Variants in CHERP observed in about 807,000 individuals in gnomAD.
The protein encoded by CHERP is ERPROT 213-21.
CHERP carries 8 observed loss-of-function variants against 113.8 expected under a neutral mutation model. That is an observed-to-expected ratio of 0.07 (90% CI 0.04 to 0.13). The LOEUF is 0.13. Among genes scored for constraint, CHERP ranks in the 10% least tolerant of loss-of-function variants. CHERP has a pLI of 1.00. For missense variants in CHERP, 884 were observed against 1,298.2 expected (o/e 0.68, Z 4.90); for synonymous variants, 559 against 524.5 (o/e 1.07, Z -0.90).
In CHERP at chr19:16,525,599, T is replaced by C. The variant is rs1275567500; in HGVS notation, c.1384A>G (p.Met462Val). The C allele has an allele frequency of 1.3e-6, 2 of 1,536,968 alleles. No individual in the cohort carries two copies. Among genetic ancestry groups the C allele is most frequent in the Non-Finnish European group, 1.7e-6 (2 of 1,144,510 alleles). Residue 462 changes from methionine (M) to valine (V), a missense_variant, in exon 10 of 17, where the codon ATG becomes GTG. Physicochemically the swap from Met to Val is conservative, Grantham distance 21. Around this residue, in one of 8 missense-constraint regions of CHERP, gnomAD observed 464 missense variants for 590.1 expected, o/e 0.79. Coordinates refer to ENST00000546361, the MANE Select transcript of CHERP (RefSeq NM_006387.6). This position sits in a 1 kb window ranked among gnomAD's most constrained non-coding sequence, Gnocchi z 6.5. Reference protein sequence around the residue: ...CPPWNNSHEGMWGEQRGDPGW... With the variant: ...CPPWNNSHEGVWGEQRGDPGW... Reference sequence around the variant, plus strand: ...GGGTCACCGCGCTGCTCGCCCCACATGCCCTCATGGCTGTTGTTCCAGGGG... The same window carrying C: ...GGGTCACCGCGCTGCTCGCCCCACACGCCCTCATGGCTGTTGTTCCAGGGG...
At position 16,530,012 on chromosome 19, in the gene CHERP, G is replaced by A. The variant is rs2085688007; in HGVS notation, c.877-112C>T. ...AGAGCCTGGGGGACCTGGGGCAGGT[G>A]GACAGGGAACCGTCACGTGAAACAG... On this transcript the variant is annotated intron_variant, in intron 7 of 16. Transcript: ENST00000546361. This position sits in a 1 kb window ranked among gnomAD's most constrained non-coding sequence, Gnocchi z 4.1. 7.2e-7 allele frequency: 1 copy of A among 1,395,026 alleles called. No homozygotes were observed. The highest frequency in any genetic ancestry group is 2.5e-5 in the East Asian group (1 of 39,930). 86.4% of individuals were successfully genotyped at this position (1,395,026 alleles called of 1,614,324 possible). A position where few individuals can be genotyped will look rare whatever the true frequency, so the allele number is the denominator to read the frequency against.
At chr19:16,531,638 C>T (rs1231717153) in intron 5 of CHERP, among the ~76,000 whole-genome samples, 1 of 152,218 alleles carries the variant, frequency 6.6e-6, no homozygotes, top group Non-Finnish European at 1.5e-5. Flanking sequence ...TAGAGAGGCG[C>T]GTGGCTGGAG....
intron 9 of CHERP, among the ~76,000 whole-genome samples, chr19:16,527,549 G>C (rs1386671095): frequency 6.6e-6 from 1 of 152,240 alleles, no homozygotes; most frequent in Admixed American, 6.5e-5. Context: ...TGCTGAAAGT[G>C]GACCCAGCAC....
Position 16,532,282 on chromosome 19 carries a change from G to T in CHERP, c.674+316C>A. 1 of 300,464 alleles carries T rather than the reference G, an allele frequency of 3.3e-6. No homozygotes were observed. Among genetic ancestry groups the T allele is most frequent in the Non-Finnish European group, 6.3e-6 (1 of 159,638 alleles). 18.6% of individuals were successfully genotyped at this position (300,464 alleles called of 1,614,324 possible). On this transcript the variant is annotated intron_variant, in intron 5 of 16. Transcript: ENST00000546361. This position sits in a 1 kb window ranked among gnomAD's most constrained non-coding sequence, Gnocchi z 4.4. ...GTGGCTGAGAAGGCAACAAGGAGAC[G>T]CCAAGAAGCTGCCCCATGAGAGGAA...
chr19:16,521,257 G>A, intron 12 of CHERP: 1 of 567,388 alleles, frequency 1.8e-6, no homozygotes, highest in Non-Finnish European at 3.1e-6. Flanking sequence ...GGTGGGCTGA[G>A]GGCCCTGTGG....
At chr19:16,522,465 T>G (rs914494632) in intron 11 of CHERP, among the ~76,000 whole-genome samples, 1 of 152,160 alleles carries the variant, frequency 6.6e-6, no homozygotes, top group African/African-American at 2.4e-5. Flanking sequence ...TTCACCGTGT[T>G]AGCCAGGATG....
intron 11 of CHERP, among the ~76,000 whole-genome samples, chr19:16,522,624 G>A (rs1392239200): frequency 6.6e-6 from 1 of 152,032 alleles, no homozygotes; most frequent in African/African-American, 2.4e-5. Flanking sequence ...GGTACCAGCT[G>A]CTGCCAGCCC....
Position 16,525,696 on chromosome 19 carries a change from G to A in CHERP, c.1306-19C>T, listed in dbSNP as rs1180563382. 6 of 1,487,324 alleles carry A rather than the reference G, an allele frequency of 4.0e-6. No homozygotes were observed. Among genetic ancestry groups the A allele is most frequent in the East Asian group, 2.5e-5 (1 of 39,974 alleles). The allele number at this position is 1,487,324 out of a possible 1,614,324, so 92.1% of individuals were successfully genotyped here. A position where few individuals can be genotyped will look rare whatever the true frequency, so the allele number is the denominator to read the frequency against. ...CTGGCGGCTGCAAGGGAAGGGACAG[G>A]CTTGAGCCCTGCGTGGTCTAGGCCC... On this transcript the variant is annotated intron_variant, in intron 9 of 16. Transcript: ENST00000546361. The surrounding 1 kb of genome is among the most constrained non-coding windows in gnomAD (Gnocchi z 6.5).
In CHERP at chr19:16,519,179, C is replaced by T; in HGVS notation, c.2731G>A (p.Ala911Thr). Residue 911 changes from alanine (A) to threonine (T), a missense_variant, in exon 17 of 17, where the codon GCC (alanine) becomes ACC (threonine). Physicochemically the swap from Ala to Thr is moderately conservative, Grantham distance 58 (BLOSUM62 0). Transcript: ENST00000546361. The surrounding 1 kb of genome is among the most constrained non-coding windows in gnomAD (Gnocchi z 6.0). The part of the protein sequence containing the change: ...KSYSFIARMK[A>T]RDECK ...GGCGCCTACTTACACTCGTCCCTGGCCTTCATGCGGGCGATGAAGGAGTAG... is the reference window on the plus strand; with the variant it reads ...GGCGCCTACTTACACTCGTCCCTGGTCTTCATGCGGGCGATGAAGGAGTAG... 6.2e-7 allele frequency: 1 copy of T among 1,613,748 alleles called. No homozygotes were observed. Among genetic ancestry groups the T allele is most frequent in the Non-Finnish European group, 8.5e-7 (1 of 1,179,958 alleles).
intron 2 of CHERP, among the ~76,000 whole-genome samples, chr19:16,540,896 C>T (rs1431763593): frequency 2.0e-5 from 3 of 151,892 alleles, no homozygotes; most frequent in Non-Finnish European, 4.4e-5. Flanking sequence ...CAGGGTTTCA[C>T]TATGTTGGCC....
chr19:16,520,217 C>G lies in CHERP; in HGVS notation c.2394G>C (p.Ser798=). The change falls in exon 15 of 17, where the codon TCG becomes TCC. Residue 798 remains serine, a synonymous_variant. Transcript: ENST00000546361. The surrounding 1 kb of genome is among the most constrained non-coding windows in gnomAD (Gnocchi z 4.0). ...RSSRSRSRSQ[S]RSRSKSYSPG... is the part of the protein sequence containing the mutation. ...GGGAGTACGACTTGGACCGGGACCG[C>G]GACTGGGACCGGGAGCGGCTTCTGG... The G allele has an allele frequency of 6.2e-7, 1 of 1,613,392 alleles. No individual in the cohort carries two copies. The highest frequency in any genetic ancestry group is 8.5e-7 in the Non-Finnish European group (1 of 1,180,024).
chr19:16,529,972 C>G, intron 7 of CHERP, 72 bp from the exon 8 acceptor site: 1 of 1,533,764 alleles, frequency 6.5e-7, no homozygotes, highest in Non-Finnish European at 8.8e-7. Context: ...AGAGGACAAA[C>G]GCCTGGAAAG....
At chr19:16,529,598 C>T (rs373320514) in intron 8 of CHERP, 50 bp downstream of exon 8, 1 of 1,522,462 alleles carries the variant, frequency 6.6e-7, no homozygotes. Context: ...CGGTGCCCAG[C>T]CTCTGGGGGC....
At position 16,535,069 on chromosome 19, in the gene CHERP, T is replaced by TA. The variant is rs371417257; in HGVS notation, c.384+382dup. ...CCAGCCTGGGCGACAGAACAAGACT[T>TA]AAAAAAAAAAAAGGGTCCTTCCCCA... On this transcript the variant is annotated intron_variant, in intron 3 of 16. Coordinates refer to ENST00000546361, the MANE Select transcript of CHERP (RefSeq NM_006387.6). The surrounding 1 kb of genome is among the most constrained non-coding windows in gnomAD (Gnocchi z 4.3). Among the ~76,000 whole-genome samples the TA allele has an allele frequency of 3.6e-3, 518 of 142,034 alleles. 16 individuals are homozygous for TA. In the East Asian group the frequency reaches 0.071, roughly 20 times the overall value. 93.2% of individuals were successfully genotyped at this position (142,034 alleles called of 152,430 possible). A position where few individuals can be genotyped will look rare whatever the true frequency, so the allele number is the denominator to read the frequency against.
chr19:16,529,621 G>C (rs543020564), intron 8 of CHERP, 27 bp downstream of exon 8: 2 of 1,531,296 alleles, frequency 1.3e-6, no homozygotes, highest in Non-Finnish European at 1.8e-6. Flanking sequence ...TTTCCTGGGG[G>C]CAGGCTGAGC....
chr19:16,519,881 AG>A lies in CHERP; in HGVS notation c.2463-167del. Reference sequence around the variant, plus strand: ...CCGTTTATCCTGTCTCAGCTAGATAAGGGGGCTCCAGACGCTGGCCCCCACC... The same window carrying A: ...CCGTTTATCCTGTCTCAGCTAGATAAGGGGCTCCAGACGCTGGCCCCCACC... On this transcript the variant is annotated intron_variant, in intron 15 of 16. Coordinates refer to ENST00000546361, the MANE Select transcript of CHERP (RefSeq NM_006387.6). This position sits in a 1 kb window ranked among gnomAD's most constrained non-coding sequence, Gnocchi z 6.0. 2 of 694,396 alleles carry A rather than the reference AG, an allele frequency of 2.9e-6. No individual in the cohort carries two copies. Among genetic ancestry groups the A allele is most frequent in the Non-Finnish European group, 2.5e-6 (1 of 398,030 alleles). 43.0% of individuals were successfully genotyped at this position (694,396 alleles called of 1,614,324 possible).
In CHERP at chr19:16,518,044, G is replaced by A. The variant is rs894778415; in HGVS notation, c.*1115C>T. On this transcript the variant is annotated 3_prime_UTR_variant, in exon 17 of 17. Coordinates refer to ENST00000546361, the MANE Select transcript of CHERP (RefSeq NM_006387.6). ...CAAAATCAAATATTCATCACGTTGGGTTGAAAAGTTGGAAGATTTTGCATC... is the reference window on the plus strand; with the variant it reads ...CAAAATCAAATATTCATCACGTTGGATTGAAAAGTTGGAAGATTTTGCATC... 1.3e-5 allele frequency: 2 copies of A among 152,112 alleles called. No individual in the cohort carries two copies. The highest frequency in any genetic ancestry group is 2.4e-5 in the African/African-American group (1 of 41,402). 9.4% of individuals were successfully genotyped at this position (152,112 alleles called of 1,614,324 possible).
rs1599757590 is a variant in CHERP, at chr19:16,542,062, G to A, written c.26-19C>T. On this transcript the variant is annotated intron_variant, in intron 1 of 16. Transcript: ENST00000546361. ...TCCTGGTCTGGAGGACGGAGAAAAGGCCACGCGGGGCGTCAGCGAGGACCG... is the reference window on the plus strand; with the variant it reads ...TCCTGGTCTGGAGGACGGAGAAAAGACCACGCGGGGCGTCAGCGAGGACCG... 3.1e-6 allele frequency: 5 copies of A among 1,599,620 alleles called. No homozygotes were observed. Among genetic ancestry groups the A allele is most frequent in the Non-Finnish European group, 4.3e-6 (5 of 1,173,684 alleles).
chr19:16,527,728 G>A (rs749623986), intron 9 of CHERP, among the ~76,000 whole-genome samples: 10 of 152,196 alleles, frequency 6.6e-5, no homozygotes, highest in Non-Finnish European at 1.3e-4. Flanking sequence ...TTTCCAGGAT[G>A]ACAAAACACT....
Sources: allele counts gnomAD v4.1 joint callset (sites outside exome capture counted in the v4.1 genomes callset), GRCh38; gene constraint gnomAD v4.1.1; regional missense constraint gnomAD v4.1.1; non-coding constraint Gnocchi (gnomAD v3.1); transcripts MANE v1.5; gene names NCBI Gene and HGNC (gene_info 2026-07-23, HGNC 2026-07-21).